The following PAPPA2 variants were observed in gnomAD, a reference collection of about 807,000 sequenced individuals.
The protein encoded by PAPPA2 is pappalysin-2.
PAPPA2 carries 86 observed loss-of-function variants against 176.4 expected under a neutral mutation model. That is an observed-to-expected ratio of 0.49 (90% CI 0.41 to 0.58). The LOEUF (loss-of-function observed/expected upper bound fraction) is 0.58. Among genes scored for constraint, PAPPA2 ranks in the 20% least tolerant of loss-of-function variants. PAPPA2 has a pLI of 0.00. For synonymous variants in PAPPA2, 809 were observed against 852.2 expected (o/e 0.95, Z 0.88); for missense variants, 2,073 against 2,256.9 (o/e 0.92, Z 1.65).
intron 18 of PAPPA2, among the ~76,000 whole-genome samples, chr1:176,790,684 C>G (rs1490713658): frequency 6.6e-6 from 1 of 152,078 alleles, no homozygotes; most frequent in Non-Finnish European, 1.5e-5. Flanking sequence ...GTTAAGGAAC[C>G]ATCAAGTTGA....
rs757620399 is a variant in PAPPA2 at position 176,793,586 on chromosome 1, A to G, written c.5047A>G (p.Ile1683Val). 6.8e-6 allele frequency: 11 copies of G among 1,612,762 alleles called. No individual in the cohort carries two copies. In the African/African-American group the frequency reaches 1.2e-4, roughly 18 times the overall value. The part of the protein sequence containing the change: ...IGAVCSPLCV[I>V]PPSDPVMLPE... ...TGCAGTGTGTTCCCCATTGTGTGTAATCCCCCCCAGTGACCCCGTGATGCT... is the reference window on the plus strand; with the variant it reads ...TGCAGTGTGTTCCCCATTGTGTGTAGTCCCCCCCAGTGACCCCGTGATGCT... The change falls in exon 20 of 23, where the codon ATC becomes GTC. Residue 1683 changes from isoleucine to valine, a missense_variant. By Grantham distance (29) the Ile-to-Val change is conservative (BLOSUM62 3). Transcript: ENST00000367662.
intron 4 of PAPPA2, among the ~76,000 whole-genome samples, chr1:176,682,461 A>G (rs1358797296): frequency 1.3e-5 from 2 of 151,990 alleles, no homozygotes; most frequent in Non-Finnish European, 2.9e-5. Flanking sequence ...GTTTGTTTTT[A>G]TTGTTATGGA....
At position 176,648,371 on chromosome 1, in the gene PAPPA2, CAT is replaced by C. The variant is rs1657532012; in HGVS notation, c.1992-22598_1992-22597del. On this transcript the variant is annotated intron_variant, in intron 3 of 22. Transcript: ENST00000367662. Reference sequence around the variant, plus strand: ...GGTTCTGCTAAGTATGTGGTCATGTCATGTGTGAGCAAGGCTAATTTGAGTCC... The same window carrying C: ...GGTTCTGCTAAGTATGTGGTCATGTCGTGTGAGCAAGGCTAATTTGAGTCC... Among the ~76,000 whole-genome samples, 3 of 151,372 alleles carry C rather than the reference CAT, an allele frequency of 2.0e-5. No individual in the cohort carries two copies. The South Asian group carries it at 6.2e-4, about 31-fold the overall frequency.
rs530883239 is a variant in PAPPA2 at position 176,629,263 on chromosome 1, G to A, written c.1991+33668G>A. On this transcript the variant is annotated intron_variant, in intron 3 of 22. Transcript: ENST00000367662. ...CATGATTTCAGCCAAATAATCATTT[G>A]TGATGTGTTAAAAAAGGTAGCCTTA... Among the ~76,000 whole-genome samples, 4 of 152,282 alleles carry A rather than the reference G, an allele frequency of 2.6e-5. No homozygotes were observed. In the South Asian group the frequency reaches 8.3e-4, roughly 32 times the overall value.
At chr1:176,767,900 A>G (rs919516688) in intron 15 of PAPPA2, among the ~76,000 whole-genome samples, 8 of 152,234 alleles carry the variant, frequency 5.3e-5, no homozygotes, top group Non-Finnish European at 1.2e-4. Context: ...TTGACGCAAG[A>G]ACCGAAACTA....
chr1:176,840,295 G>T (rs1307917986), intron 22 of PAPPA2, 24 bp downstream of exon 22: 2 of 1,579,246 alleles, frequency 1.3e-6, no homozygotes. Flanking sequence ...CCTGGGGATG[G>T]GGGAGGCAGT....
At chr1:176,588,424 C>G (rs1172439502) in intron 2 of PAPPA2, among the ~76,000 whole-genome samples, 4 of 152,170 alleles carry the variant, frequency 2.6e-5, no homozygotes, top group African/African-American at 4.8e-5. Context: ...CCTGATTGCC[C>G]TAGCCAGAAC....
At position 176,656,807 on chromosome 1, in the gene PAPPA2, A is replaced by G. The variant is rs74127218; in HGVS notation, c.1992-14163A>G. On this transcript the variant is annotated intron_variant, in intron 3 of 22. Coordinates refer to ENST00000367662, the MANE Select transcript of PAPPA2 (RefSeq NM_020318.3). Reference sequence around the variant, plus strand: ...TTCACACACACACACACACACCAGAAGTCAGTTATTTTTGACAGCATACAT... The same window carrying G: ...TTCACACACACACACACACACCAGAGGTCAGTTATTTTTGACAGCATACAT... Among the ~76,000 whole-genome samples the G allele has an allele frequency of 6.7e-3, 1,009 of 151,440 alleles. 15 individuals are homozygous for G. The highest frequency in any genetic ancestry group is 0.021 in the African/African-American group (862 of 41,278).
At chr1:176,683,479 G>C (rs1019921163) in intron 4 of PAPPA2, among the ~76,000 whole-genome samples, 1 of 152,170 alleles carries the variant, frequency 6.6e-6, no homozygotes, top group Admixed American at 6.6e-5. Flanking sequence ...TGCAAGAAAT[G>C]TAACTTACTT....
intron 3 of PAPPA2, among the ~76,000 whole-genome samples, chr1:176,632,228 G>GGTGTGT (rs755065819): frequency 0.012 from 1,679 of 137,844 alleles, 18 homozygotes; most frequent in African/African-American, 0.036. Flanking sequence ...AATTAGTAGT[G>GGTGTGT]ATGTGTGTGT....
intron 14 of PAPPA2, among the ~76,000 whole-genome samples, chr1:176,754,636 T>C (rs1170732818): frequency 6.6e-6 from 1 of 152,158 alleles, no homozygotes; most frequent in Non-Finnish European, 1.5e-5. Context: ...ACAAGAGAAG[T>C]AGAAAAAGTA....
intron 3 of PAPPA2, among the ~76,000 whole-genome samples, chr1:176,634,044 G>A (rs375622536): frequency 4.9e-4 from 75 of 152,166 alleles, no homozygotes; most frequent in Admixed American, 7.2e-4. Flanking sequence ...GCGATTCCTC[G>A]GGGATCTAGA....
At chr1:176,767,329 G>A (rs1463439552) in intron 15 of PAPPA2, among the ~76,000 whole-genome samples, 3 of 152,214 alleles carry the variant, frequency 2.0e-5, no homozygotes, top group African/African-American at 4.8e-5. Context: ...GGCAATAGAT[G>A]CAGATTTTGA....
chr1:176,616,904 T>C (rs1558474904), intron 3 of PAPPA2: 5 of 420,064 alleles, frequency 1.2e-5, no homozygotes, highest in Non-Finnish European at 2.2e-5. Context: ...AAATTCTCAG[T>C]GCTTTGAGTG....
chr1:176,788,071 A>G (rs1665020941), intron 17 of PAPPA2, among the ~76,000 whole-genome samples: 1 of 152,100 alleles, frequency 6.6e-6, no homozygotes, highest in South Asian at 2.1e-4. Flanking sequence ...AGAAAAAAAA[A>G]GAAAAAGAAA....
At chr1:176,565,655 C>T (rs901880019) in intron 2 of PAPPA2, among the ~76,000 whole-genome samples, 24 of 152,222 alleles carry the variant, frequency 1.6e-4, no homozygotes, top group East Asian at 9.7e-4. Flanking sequence ...ATGACTGTGC[C>T]GCTGCACTCC....
At chr1:176,754,313 T>C (rs10494502) in intron 14 of PAPPA2, among the ~76,000 whole-genome samples, 4,538 of 152,284 alleles carry the variant, frequency 0.03, 253 homozygotes, top group African/African-American at 0.1. Context: ...TAGTGACTTA[T>C]CATAGTTCCT....
chr1:176,687,247 G>C (rs960498597), intron 4 of PAPPA2, among the ~76,000 whole-genome samples: 53 of 152,236 alleles, frequency 3.5e-4, no homozygotes, highest in African/African-American at 1.2e-3. Flanking sequence ...AGTGTTGTTT[G>C]GTTAAAACTT....
Position 176,550,377 on chromosome 1 carries a change from A to G in PAPPA2, c.-916-5030A>G, listed in dbSNP as rs145410771. The stretch of plus-strand genomic sequence containing the variant: ...TGAAGTTGCCTTTTGAAGAGATTCC[A>G]GGTACAAAGGCAATCCTAATTGAAG... On this transcript the variant is annotated intron_variant, in intron 1 of 22. Coordinates refer to ENST00000367662, the MANE Select transcript of PAPPA2 (RefSeq NM_020318.3). Among the ~76,000 whole-genome samples, 27 of 152,370 alleles carry G rather than the reference A, an allele frequency of 1.8e-4. No individual in the cohort carries two copies. The East Asian group carries it at 5.0e-3, about 28-fold the overall frequency.
Sources: gnomAD v4.1 joint callset for allele counts (sites outside exome capture counted in the v4.1 genomes callset) on GRCh38, gnomAD v4.1.1 for gene constraint, MANE v1.5 for transcripts, NCBI Gene and HGNC (gene_info 2026-07-23, HGNC 2026-07-21) for gene names.